The following GRIA1 variants were observed in gnomAD, a reference collection of about 807,000 sequenced individuals.
The protein encoded by GRIA1 is glutamate ionotropic receptor AMPA type subunit 1.
A neutral mutation model predicts 99.2 loss-of-function variants in GRIA1; 31 were observed. The ratio of observed to expected loss-of-function variants is 0.31; its 90% CI spans 0.23 to 0.42. GRIA1 has a LOEUF of 0.42. Ranked by LOEUF, GRIA1 falls within the 10% of genes least tolerant of loss-of-function variation. The pLI is 1.00. For missense variants in GRIA1, 782 were observed against 1,157.5 expected (o/e 0.68, Z 4.71); for synonymous variants, 438 against 432.4 (o/e 1.01, Z -0.16).
chr5:153,520,035 T>C (rs958756279), intron 2 of GRIA1, among the ~76,000 whole-genome samples: 5 of 152,266 alleles, frequency 3.3e-5, no homozygotes, highest in Admixed American at 3.3e-4. Context: ...CCTGTTAGGT[T>C]CGTAGTAACA....
At chr5:153,798,672 T>C (rs1765797161) in intron 14 of GRIA1, among the ~76,000 whole-genome samples, 1 of 152,218 alleles carries the variant, frequency 6.6e-6, no homozygotes, top group Non-Finnish European at 1.5e-5. Context: ...CCAAAAGCCT[T>C]GGCTTCTCCC....
intron 2 of GRIA1, among the ~76,000 whole-genome samples, chr5:153,541,961 G>C (rs1333937695): frequency 1.5e-5 from 2 of 129,890 alleles, no homozygotes; most frequent in African/African-American, 5.3e-5. Flanking sequence ...AACAAGAAAA[G>C]TGTTGCCAGG....
At chr5:153,631,699 T>G (rs1752978061) in intron 2 of GRIA1, among the ~76,000 whole-genome samples, 1 of 152,142 alleles carries the variant, frequency 6.6e-6, no homozygotes, top group African/African-American at 2.4e-5. Flanking sequence ...GTTTTAAGTT[T>G]TTTTGGTATA....
chr5:153,535,738 T>C (rs556894752), intron 2 of GRIA1, among the ~76,000 whole-genome samples: 1 of 152,208 alleles, frequency 6.6e-6, no homozygotes, highest in Non-Finnish European at 1.5e-5. Context: ...ACCTCCACCT[T>C]GTCTTACCTC....
At chr5:153,794,488 C>A in intron 13 of GRIA1, 133 bp from the exon 14 acceptor site, 1 of 672,336 alleles carries the variant, frequency 1.5e-6, no homozygotes, top group South Asian at 1.6e-5. Flanking sequence ...ATGTTGGGGG[C>A]AGGGCATCCT....
At chr5:153,751,606 C>G (rs1391982906) in intron 11 of GRIA1, among the ~76,000 whole-genome samples, 1 of 152,240 alleles carries the variant, frequency 6.6e-6, no homozygotes, top group Admixed American at 6.5e-5. Flanking sequence ...TATTCACTAC[C>G]TGGACTTTGA....
intron 2 of GRIA1, among the ~76,000 whole-genome samples, chr5:153,645,947 G>A (rs1374829440): frequency 6.6e-6 from 1 of 152,144 alleles, no homozygotes; most frequent in South Asian, 2.1e-4. Flanking sequence ...ACCTTGGAAG[G>A]GCAATTTTTA....
intron 2 of GRIA1, among the ~76,000 whole-genome samples, chr5:153,558,397 C>A (rs902885056): frequency 6.6e-6 from 1 of 152,076 alleles, no homozygotes; most frequent in African/African-American, 2.4e-5. Flanking sequence ...GCAATTTTCT[C>A]CCCTGCAACC....
chr5:153,794,782 A>G (rs769722410), intron 14 of GRIA1, 47 bp downstream of exon 14: 5 of 1,112,700 alleles, frequency 4.5e-6, no homozygotes, highest in Non-Finnish European at 6.8e-6. Context: ...ATGAAATAGC[A>G]TGGCTGGTAA....
At chr5:153,695,831 C>A (rs1258814078) in intron 8 of GRIA1, among the ~76,000 whole-genome samples, 1 of 152,212 alleles carries the variant, frequency 6.6e-6, no homozygotes, top group Non-Finnish European at 1.5e-5. Context: ...CGAGCTGTCT[C>A]AGCATCGATA....
intron 2 of GRIA1, among the ~76,000 whole-genome samples, chr5:153,510,967 T>A (rs1401213072): frequency 1.3e-5 from 2 of 152,194 alleles, no homozygotes; most frequent in Non-Finnish European, 2.9e-5. Context: ...TGGTTATAAA[T>A]TTAGTCATGC....
intron 8 of GRIA1, among the ~76,000 whole-genome samples, chr5:153,688,392 T>C (rs1334984109): frequency 6.6e-6 from 1 of 152,220 alleles, no homozygotes; most frequent in Non-Finnish European, 1.5e-5. Context: ...TTCATTTTTG[T>C]TGTCCCATGG....
At chr5:153,532,639 T>G (rs1434049456) in intron 2 of GRIA1, among the ~76,000 whole-genome samples, 1 of 152,186 alleles carries the variant, frequency 6.6e-6, no homozygotes, top group Non-Finnish European at 1.5e-5. Flanking sequence ...TCCTTGCTTT[T>G]GTGACACCCA....
chr5:153,615,965 A>G (rs1766458864), intron 2 of GRIA1, among the ~76,000 whole-genome samples: 1 of 152,170 alleles, frequency 6.6e-6, no homozygotes, highest in African/African-American at 2.4e-5. Context: ...TGGGTGAGGC[A>G]TACTAGAACT....
intron 11 of GRIA1, among the ~76,000 whole-genome samples, chr5:153,754,973 T>A (rs769849191): frequency 5.3e-5 from 8 of 152,100 alleles, no homozygotes; most frequent in Non-Finnish European, 7.3e-5. Flanking sequence ...ATACTAAAAA[T>A]GTAATGATTA....
At chr5:153,512,457 A>G (rs772632598) in intron 2 of GRIA1, among the ~76,000 whole-genome samples, 2 of 152,254 alleles carry the variant, frequency 1.3e-5, no homozygotes, top group Non-Finnish European at 2.9e-5. Flanking sequence ...TTGGAAAGGT[A>G]CTGCATTTTC....
chr5:153,727,281 A>T (rs1197528186), intron 11 of GRIA1, among the ~76,000 whole-genome samples: 2 of 152,188 alleles, frequency 1.3e-5, no homozygotes, highest in Non-Finnish European at 2.9e-5. Flanking sequence ...CCAATATCAT[A>T]CTGAATGGGC....
rs181233837 is a variant in GRIA1, at chr5:153,715,525, T to A, written c.1823+9458T>A. Among the ~76,000 whole-genome samples, 4 of 152,252 alleles carry A rather than the reference T, an allele frequency of 2.6e-5. No individual in the cohort carries two copies. The East Asian group carries it at 7.7e-4, about 29-fold the overall frequency. ...GAAAATAACTTTCCTACATCCAGTT[T>A]CCACTTCTGGAAAACAGGAAAAATA... is the stretch of plus-strand genomic sequence containing the variant. On this transcript the variant is annotated intron_variant, in intron 11 of 15. Coordinates refer to ENST00000285900, the MANE Select transcript of GRIA1 (RefSeq NM_000827.4).
At chr5:153,687,336 T>A (rs913621904) in intron 8 of GRIA1, among the ~76,000 whole-genome samples, 2 of 152,050 alleles carry the variant, frequency 1.3e-5, no homozygotes, top group African/African-American at 4.8e-5. Flanking sequence ...TCCGGATAAT[T>A]TATTTGAGCT....
Sources: allele counts gnomAD v4.1 joint callset (sites outside exome capture counted in the v4.1 genomes callset), GRCh38; gene constraint gnomAD v4.1.1; transcripts MANE v1.5; gene names NCBI Gene and HGNC (gene_info 2026-07-23, HGNC 2026-07-21).